The following CELF2 variants were observed in gnomAD, a reference collection of about 807,000 sequenced individuals.
CELF2 encodes CUGBP Elav-like family member 2, also known as CUG triplet repeat RNA-binding protein 2.
In CELF2, 8 loss-of-function variants were observed where a neutral mutation model predicts 62.6. The ratio of observed to expected loss-of-function variants is 0.13; its 90% CI spans 0.07 to 0.23. CELF2 has a LOEUF of 0.23. Ranked by LOEUF, CELF2 falls within the 10% of genes least tolerant of loss-of-function variation. The pLI, the probability that CELF2 is intolerant of heterozygous loss-of-function variation, is 1.00. For synonymous variants in CELF2, 258 were observed against 250.0 expected (o/e 1.03, Z -0.30); for missense variants, 333 against 671.0 (o/e 0.50, Z 5.56).
At position 11,217,315 on chromosome 10, in the gene CELF2, TTTTTAAA is replaced by T; in HGVS notation, c.272-107_272-101del. 1.5e-6 allele frequency: 1 copy of T among 664,178 alleles called. No individual in the cohort carries two copies. Among genetic ancestry groups the T allele is most frequent in the Non-Finnish European group, 2.6e-6 (1 of 384,018 alleles). 41.1% of individuals were successfully genotyped at this position (664,178 alleles called of 1,614,324 possible). Reference sequence around the variant, plus strand: ...ATTGCTGTTCTCATATGCTTTATTATTTTTAAATTGTGCGTCCTTTTAAGTAGATTGT... The same window carrying T: ...ATTGCTGTTCTCATATGCTTTATTATTTGTGCGTCCTTTTAAGTAGATTGT... On this transcript the variant is annotated intron_variant, in intron 2 of 12. Transcript: ENST00000633077. This position sits in a 1 kb window ranked among gnomAD's most constrained non-coding sequence, Gnocchi z 5.6.
chr10:10,590,822 ATTTC>A, the CELF2 span, among the ~76,000 whole-genome samples: 1 of 152,110 alleles, frequency 6.6e-6, no homozygotes, highest in African/African-American at 2.4e-5. Context: ...GGCTCTGGGC[ATTTC>A]TTTTTTTCTG....
the CELF2 span, among the ~76,000 whole-genome samples, chr10:10,774,531 G>A: frequency 9.2e-5 from 14 of 152,242 alleles, no homozygotes; most frequent in Admixed American, 9.2e-4. Flanking sequence ...AAAAGTGTGT[G>A]GCACCTTCCC....
chr10:11,133,543 A>G (rs1004684521), intron 1 of CELF2, among the ~76,000 whole-genome samples: 60 of 152,186 alleles, frequency 3.9e-4, no homozygotes, highest in African/African-American at 1.3e-3. Flanking sequence ...AAGATAGGGA[A>G]TGTGTTACTA....
the CELF2 span, among the ~76,000 whole-genome samples, chr10:10,734,133 C>T: frequency 4.9e-4 from 74 of 151,920 alleles, no homozygotes; most frequent in African/African-American, 1.6e-3. Flanking sequence ...CCTTTTAATA[C>T]AACAATCTTG....
chr10:11,139,367 C>CT (rs1260594563), intron 1 of CELF2, among the ~76,000 whole-genome samples: 1 of 152,074 alleles, frequency 6.6e-6, no homozygotes, highest in Non-Finnish European at 1.5e-5. Context: ...AAACACAGTT[C>CT]TAAATAGTTG....
rs183120829 is a variant in CELF2, at chr10:10,957,796, C to T, written c.89+37797C>T. Among the ~76,000 whole-genome samples, 2 of 152,272 alleles carry T rather than the reference C, an allele frequency of 1.3e-5. No individual in the cohort carries two copies. Among genetic ancestry groups the T allele is most frequent in the East Asian group, 1.9e-4 (1 of 5,186 alleles). Reference sequence around the variant, plus strand: ...TTAACTCACAAACCACGTTTTTCATCGGTTTTCCCCATCTTCCTAATTGGG... The same window carrying T: ...TTAACTCACAAACCACGTTTTTCATTGGTTTTCCCCATCTTCCTAATTGGG... On this transcript the variant is annotated intron_variant, in intron 2 of 13. Transcript: ENST00000636488. The surrounding 1 kb of genome is among the most constrained non-coding windows in gnomAD (Gnocchi z 4.1).
At chr10:11,298,053 G>T (rs1442272722) in intron 9 of CELF2, among the ~76,000 whole-genome samples, 1 of 152,202 alleles carries the variant, frequency 6.6e-6, no homozygotes, top group East Asian at 1.9e-4. Context: ...TTATGTTTTT[G>T]TTTTAAGATG....
In CELF2 at chr10:10,873,910, T is replaced by C. The variant is rs1394743278; in HGVS notation, c.54-46054T>C. Among the ~76,000 whole-genome samples the C allele has an allele frequency of 2.6e-5, 4 of 152,200 alleles. No homozygotes were observed. The East Asian group carries it at 5.8e-4, about 22-fold the overall frequency. ...GATGCGGGCAGGTGGCACATTGCTC[T>C]TCCTTACAGCCATTTAAAAATACAG... On this transcript the variant is annotated intron_variant, in intron 1 of 13. Transcript: ENST00000636488.
the CELF2 span, among the ~76,000 whole-genome samples, chr10:10,524,660 A>C: frequency 2.6e-5 from 4 of 152,096 alleles, no homozygotes; most frequent in Non-Finnish European, 5.9e-5. Context: ...ATGGGTAAGC[A>C]TTTTTTAAAG....
intron 5 of CELF2, among the ~76,000 whole-genome samples, chr10:11,264,050 T>A (rs72775842): frequency 0.086 from 13,140 of 152,240 alleles, 730 homozygotes; most frequent in Non-Finnish European, 0.13. Flanking sequence ...TCTGTCTTAC[T>A]GCACCACTGC....
the CELF2 span, among the ~76,000 whole-genome samples, chr10:10,564,620 C>A: frequency 8.0e-5 from 12 of 149,166 alleles, no homozygotes; most frequent in Admixed American, 4.7e-4. Flanking sequence ...CTTCTAAGAC[C>A]GGTATGTCTT....
intron 1 of CELF2, among the ~76,000 whole-genome samples, chr10:11,139,797 C>G (rs574534705): frequency 6.6e-6 from 1 of 152,174 alleles, no homozygotes; most frequent in East Asian, 1.9e-4. Flanking sequence ...TTACCTCTCC[C>G]CGTTTCCTTT....
At chr10:10,760,765 C>T in the CELF2 span, among the ~76,000 whole-genome samples, 1 of 152,042 alleles carries the variant, frequency 6.6e-6, no homozygotes, top group Admixed American at 6.6e-5. Flanking sequence ...GCAGAAAGAA[C>T]AGGATTTGTA....
At chr10:10,939,721 G>A (rs949640327) in intron 2 of CELF2, among the ~76,000 whole-genome samples, 3 of 151,988 alleles carry the variant, frequency 2.0e-5, no homozygotes, top group African/African-American at 7.2e-5. Context: ...TTGGGAGGCC[G>A]AGGCGGACGG....
chr10:10,854,328 C>T (rs771093956), intron 1 of CELF2, among the ~76,000 whole-genome samples: 1 of 152,132 alleles, frequency 6.6e-6, no homozygotes, highest in Non-Finnish European at 1.5e-5. Context: ...TGAAAAGTGG[C>T]AAAGCCAGGC....
At chr10:10,767,725 A>C in the CELF2 span, among the ~76,000 whole-genome samples, 1 of 152,132 alleles carries the variant, frequency 6.6e-6, no homozygotes, top group African/African-American at 2.4e-5. Context: ...GGCTGGGCAC[A>C]GTGGCTCACG....
chr10:10,940,683 C>T (rs10795839), intron 2 of CELF2, among the ~76,000 whole-genome samples: 52,628 of 151,978 alleles, frequency 0.35, 10,042 homozygotes, highest in East Asian at 0.73. Context: ...ATTCTGGTAG[C>T]TCTCATTATG....
chr10:10,508,708 ATT>A, the CELF2 span, among the ~76,000 whole-genome samples: 79,718 of 134,334 alleles, frequency 0.59, 22,777 homozygotes, highest in East Asian at 0.88. Context: ...GTGTGTGTAT[ATT>A]TTTTTTTTTG....
the CELF2 span, among the ~76,000 whole-genome samples, chr10:10,568,711 T>C: frequency 6.6e-6 from 1 of 152,110 alleles, no homozygotes; most frequent in East Asian, 1.9e-4. Flanking sequence ...AGGAGTTTCA[T>C]TTTGTTGGCT....
Sources: gnomAD v4.1 joint callset for allele counts (sites outside exome capture counted in the v4.1 genomes callset) on GRCh38, gnomAD v4.1.1 for gene constraint, Gnocchi (gnomAD v3.1) non-coding constraint, MANE v1.5 for transcripts, NCBI Gene and HGNC (gene_info 2026-07-23, HGNC 2026-07-21) for gene names.